The following ASB18 variants were observed in gnomAD, a reference collection of about 807,000 sequenced individuals.
The protein encoded by ASB18 is ankyrin repeat and SOCS box containing 18, also known as ankyrin repeat and SOCS box protein 18.
ASB18 carries 33 observed loss-of-function variants against 33.4 expected under a neutral mutation model. That is an observed-to-expected ratio of 0.99 (90% confidence interval 0.75 to 1.32). The LOEUF is 1.32. ASB18 is among the 40% of genes most tolerant of loss of function. ASB18 has a pLI of 0.00. For missense variants in ASB18, 694 were observed against 655.5 expected, an observed-to-expected ratio of 1.06 and a Z score of -0.64; for synonymous variants, 295 against 307.6, an observed-to-expected ratio of 0.96 and a Z score of 0.43.
At position 236,251,166 on chromosome 2, in the gene ASB18, A is replaced by G. The variant is rs539807610; in HGVS notation, c.206-9764T>C. Among the ~76,000 whole-genome samples the G allele has an allele frequency of 8.5e-5, 13 of 152,332 alleles. No individual in the cohort carries two copies. The East Asian group carries it at 9.6e-4, about 11-fold the overall frequency. ...TATCCAAAGGTCAAGTGCCGCTTTC[A>G]TTGGCAGCCCAGGAGGGCTTTTTTG... On this transcript the variant is annotated intron_variant, in intron 1 of 5. Transcript: ENST00000409749. The surrounding 1 kb of genome is among the most constrained non-coding windows in gnomAD (Gnocchi z 5.3).
chr2:236,242,524 TACTC>T (rs1215830848), intron 1 of ASB18, among the ~76,000 whole-genome samples: 4 of 152,108 alleles, frequency 2.6e-5, no homozygotes, highest in African/African-American at 9.7e-5. Flanking sequence ...TATTTCATGA[TACTC>T]ACTGCACCCT....
intron 3 of ASB18, among the ~76,000 whole-genome samples, chr2:236,224,798 T>C (rs1178547471): frequency 6.6e-6 from 1 of 152,194 alleles, no homozygotes; most frequent in East Asian, 1.9e-4. Context: ...TTAAATCATC[T>C]ATTGGGTGCC....
In ASB18 at chr2:236,241,901, T is replaced by G. The variant is rs762165565; in HGVS notation, c.206-499A>C. Among the ~76,000 whole-genome samples, 4 of 152,214 alleles carry G rather than the reference T, an allele frequency of 2.6e-5. No individual in the cohort carries two copies. Among genetic ancestry groups the G allele is most frequent in the Non-Finnish European group, 5.9e-5 (4 of 68,040 alleles). On this transcript the variant is annotated intron_variant, in intron 1 of 5. Coordinates refer to ENST00000409749, the MANE Select transcript of ASB18 (RefSeq NM_212556.4). This position sits in a 1 kb window ranked among gnomAD's most constrained non-coding sequence, Gnocchi z 4.2. ...AGTCTTAAATAGCATTGCATTTACC[T>G]GTTTATGTGGAGTAAGTGACTCACT...
At position 236,231,403 on chromosome 2, in the gene ASB18, T is replaced by C. The variant is rs1392964670; in HGVS notation, c.596+6286A>G. ...GCCCTCATAGATGGGATTAGTGCCC[T>C]TATAAAAGGGCTTGAGGGATTAAAT... On this transcript the variant is annotated intron_variant, in intron 3 of 5. Transcript: ENST00000409749. The surrounding 1 kb of genome is among the most constrained non-coding windows in gnomAD (Gnocchi z 5.5). 1.3e-5 allele frequency among the ~76,000 whole-genome samples: 2 copies of C among 152,170 alleles called. No homozygotes were observed. The highest frequency in any genetic ancestry group is 1.3e-4 in the Admixed American group (2 of 15,268).
Position 236,217,024 on chromosome 2 carries a change from C to T in ASB18, c.597-2158G>A, listed in dbSNP as rs1052321710. ...CCCATCTTTCCTTCCTCTTGGAAGC[C>T]TTCCTGTGCCACCAGGTAGAGGGGT... On this transcript the variant is annotated intron_variant, in intron 3 of 5. Coordinates refer to ENST00000409749, the MANE Select transcript of ASB18 (RefSeq NM_212556.4). This position sits in a 1 kb window ranked among gnomAD's most constrained non-coding sequence, Gnocchi z 5.2. Among the ~76,000 whole-genome samples the T allele has an allele frequency of 8.5e-5, 13 of 152,196 alleles. No individual in the cohort carries two copies. Among genetic ancestry groups the T allele is most frequent in the Admixed American group, 2.6e-4 (4 of 15,284 alleles).
chr2:236,247,214 A>C (rs1180036170), intron 1 of ASB18: 1 of 151,038 alleles, frequency 6.6e-6, no homozygotes, highest in South Asian at 2.1e-4. Context: ...TTTCATAAGC[A>C]TGGCAGAGAG....
At position 236,209,253 on chromosome 2, in the gene ASB18, G is replaced by A. The variant is rs986236977; in HGVS notation, c.1101+5109C>T. On this transcript the variant is annotated intron_variant, in intron 4 of 5. Coordinates refer to ENST00000409749, the MANE Select transcript of ASB18 (RefSeq NM_212556.4). The surrounding 1 kb of genome is among the most constrained non-coding windows in gnomAD (Gnocchi z 4.4). Reference sequence around the variant, plus strand: ...GAAGCTGAGACAAGACCAGAGATTTGCAGATGTTTCTAGAATCTGCTTTTT... The same window carrying A: ...GAAGCTGAGACAAGACCAGAGATTTACAGATGTTTCTAGAATCTGCTTTTT... 6.6e-6 allele frequency among the ~76,000 whole-genome samples: 1 copy of A among 150,614 alleles called. No individual in the cohort carries two copies. Among genetic ancestry groups the A allele is most frequent in the African/African-American group, 2.4e-5 (1 of 40,934 alleles).
At position 236,217,945 on chromosome 2, in the gene ASB18, G is replaced by A. The variant is rs1216455894; in HGVS notation, c.597-3079C>T. ...CGTTAGAAATCAAGGGTTCCTTCTC[G>A]TTTTGCCACTGAGCCTGTGTGCACT... On this transcript the variant is annotated intron_variant, in intron 3 of 5. Coordinates refer to ENST00000409749, the MANE Select transcript of ASB18 (RefSeq NM_212556.4). The surrounding 1 kb of genome is among the most constrained non-coding windows in gnomAD (Gnocchi z 5.2). Among the ~76,000 whole-genome samples, 2 of 152,194 alleles carry A rather than the reference G, an allele frequency of 1.3e-5. No individual in the cohort carries two copies. The highest frequency in any genetic ancestry group is 2.9e-5 in the Non-Finnish European group (2 of 68,042).
chr2:236,250,877 C>T lies in ASB18; in HGVS notation c.206-9475G>A, dbSNP rs564042248. 6.6e-6 allele frequency: 1 copy of T among 152,224 alleles called. No homozygotes were observed. Among genetic ancestry groups the T allele is most frequent in the Admixed American group, 6.5e-5 (1 of 15,280 alleles). The allele number at this position is 152,224 out of a possible 1,614,324, so 9.4% of individuals were successfully genotyped here. On this transcript the variant is annotated intron_variant, in intron 1 of 5. Coordinates refer to ENST00000409749, the MANE Select transcript of ASB18 (RefSeq NM_212556.4). This position sits in a 1 kb window ranked among gnomAD's most constrained non-coding sequence, Gnocchi z 4.1. The stretch of plus-strand genomic sequence containing the variant: ...ATCAAAAATGTTAAAGTATCTCAAC[C>T]TCCTCTCTGAATAACAATGTTAGCA...
chr2:236,202,608 C>T (rs547862139), intron 4 of ASB18, among the ~76,000 whole-genome samples: 17 of 151,280 alleles, frequency 1.1e-4, no homozygotes, highest in African/African-American at 4.1e-4. Context: ...ATCACGAGGT[C>T]AAGAGATGGA....
chr2:236,261,524 G>A (rs879786439), intron 1 of ASB18, among the ~76,000 whole-genome samples: 5 of 152,150 alleles, frequency 3.3e-5, no homozygotes, highest in Non-Finnish European at 5.9e-5. Flanking sequence ...CACTGATAAC[G>A]CGTGCCCTAG....
Position 236,214,432 on chromosome 2 carries a change from G to A in ASB18, c.1031C>T (p.Ser344Leu). 3 of 1,552,954 alleles carry A rather than the reference G, an allele frequency of 1.9e-6. No individual in the cohort carries two copies. Among genetic ancestry groups the A allele is most frequent in the Non-Finnish European group, 2.6e-6 (3 of 1,156,340 alleles). Residue 344 changes from serine to leucine, a missense_variant, in exon 4 of 6, where the codon TCA becomes TTA. Physicochemically the swap from Ser to Leu is moderately radical, Grantham distance 145. Transcript: ENST00000409749. The surrounding 1 kb of genome is among the most constrained non-coding windows in gnomAD (Gnocchi z 6.5). ...CAGCGCCTGCACCGTGCGCTGCGGT[G>A]AGGCCTGGAGAGCGCAGGATGCGGT... ...LQTASCALQA[S>L]PQRTVQALLN...
chr2:236,262,867 AAGT>A lies in ASB18; in HGVS notation c.205+1271_205+1273del, dbSNP rs1314871324. 1.7e-5 allele frequency among the ~76,000 whole-genome samples: 2 copies of A among 116,336 alleles called. No homozygotes were observed. Among genetic ancestry groups the A allele is most frequent in the East Asian group, 5.3e-4 (2 of 3,772 alleles). The allele number at this position is 116,336 out of a possible 152,430, so 76.3% of individuals were successfully genotyped here. A position where few individuals can be genotyped will look rare whatever the true frequency, so the allele number is the denominator to read the frequency against. On this transcript the variant is annotated intron_variant, in intron 1 of 5. Coordinates refer to ENST00000409749, the MANE Select transcript of ASB18 (RefSeq NM_212556.4). The surrounding 1 kb of genome is among the most constrained non-coding windows in gnomAD (Gnocchi z 5.2). ...AGTCCCCACTGAAAGGCAGCCCAGAAAGTAGACCCAAACCAAGGGGGGGGGGCG... is the reference window on the plus strand; with the variant it reads ...AGTCCCCACTGAAAGGCAGCCCAGAAAGACCCAAACCAAGGGGGGGGGGCG...
chr2:236,195,075 T>C lies in ASB18; in HGVS notation c.1216-18A>G, dbSNP rs750895908. On this transcript the variant is annotated intron_variant, in intron 5 of 5. Coordinates refer to ENST00000409749, the MANE Select transcript of ASB18 (RefSeq NM_212556.4). This position sits in a 1 kb window ranked among gnomAD's most constrained non-coding sequence, Gnocchi z 5.5. Reference sequence around the variant, plus strand: ...TTGTGCATCTGGAAGGGAAGGCAGGTGGATTAGAAATCTGGGCACGTGGAA... The same window carrying C: ...TTGTGCATCTGGAAGGGAAGGCAGGCGGATTAGAAATCTGGGCACGTGGAA... The C allele has an allele frequency of 5.6e-6, 9 of 1,600,280 alleles. 1 individual carries two copies. The South Asian group carries it at 1.0e-4, about 18-fold the overall frequency.
Position 236,260,832 on chromosome 2 carries a change from C to T in ASB18, c.205+3309G>A, listed in dbSNP as rs10172356. Among the ~76,000 whole-genome samples the T allele has an allele frequency of 8.1e-3, 1,232 of 152,280 alleles. 13 individuals carry two copies. The highest frequency in any genetic ancestry group is 0.037 in the East Asian group (193 of 5,162). ...CTCCTCCAAGCCTTTGATATGTCAT[C>T]GTGCCAGTCTCTGAGGGGAGGCCCC... On this transcript the variant is annotated intron_variant, in intron 1 of 5. Transcript: ENST00000409749. The surrounding 1 kb of genome is among the most constrained non-coding windows in gnomAD (Gnocchi z 5.1).
chr2:236,201,196 T>C (rs1276247192), intron 4 of ASB18, among the ~76,000 whole-genome samples: 1 of 151,956 alleles, frequency 6.6e-6, no homozygotes, highest in African/African-American at 2.4e-5. Context: ...CTGTCACCTA[T>C]GCTGCAGTGC....
chr2:236,215,656 C>A lies in ASB18; in HGVS notation c.597-790G>T, dbSNP rs2060484286. Among the ~76,000 whole-genome samples, 1 of 152,158 alleles carries A rather than the reference C, an allele frequency of 6.6e-6. No homozygotes were observed. The highest frequency in any genetic ancestry group is 1.5e-5 in the Non-Finnish European group (1 of 68,028). On this transcript the variant is annotated intron_variant, in intron 3 of 5. Transcript: ENST00000409749. The surrounding 1 kb of genome is among the most constrained non-coding windows in gnomAD (Gnocchi z 7.2). Reference sequence around the variant, plus strand: ...CAGAGCCTCTCCCATCCCCTGGGGGCACTCTAAACAGCTCAGCCTAGGCTC... The same window carrying A: ...CAGAGCCTCTCCCATCCCCTGGGGGAACTCTAAACAGCTCAGCCTAGGCTC...
rs1376534511 is a variant in ASB18, at chr2:236,208,594, G to C, written c.1101+5768C>G. 6.6e-6 allele frequency among the ~76,000 whole-genome samples: 1 copy of C among 152,046 alleles called. No individual in the cohort carries two copies. Among genetic ancestry groups the C allele is most frequent in the Non-Finnish European group, 1.5e-5 (1 of 68,018 alleles). On this transcript the variant is annotated intron_variant, in intron 4 of 5. Coordinates refer to ENST00000409749, the MANE Select transcript of ASB18 (RefSeq NM_212556.4). This position sits in a 1 kb window ranked among gnomAD's most constrained non-coding sequence, Gnocchi z 7.7. ...CCCTGGGAAGAGGTGCCCTCCATTA[G>C]AGCAAAAGCACCACCTCCTCCCGCC...
At chr2:236,258,112 C>G (rs142476031) in intron 1 of ASB18, among the ~76,000 whole-genome samples, 4 of 152,332 alleles carry the variant, frequency 2.6e-5, no homozygotes, top group Admixed American at 6.5e-5. Context: ...TTCCTATGCA[C>G]CTTCCAGCTG....
Sources: allele counts gnomAD v4.1 joint callset (sites outside exome capture counted in the v4.1 genomes callset), GRCh38; gene constraint gnomAD v4.1.1; non-coding constraint Gnocchi (gnomAD v3.1); transcripts MANE v1.5; gene names NCBI Gene and HGNC (gene_info 2026-07-23, HGNC 2026-07-21).